Variants in SMIM14 observed in about 807,000 individuals in gnomAD.
The protein encoded by SMIM14 is small integral membrane protein 14, also known as chromosome 4 open reading frame 34.
Under a neutral mutation model 12.6 loss-of-function variants are expected in SMIM14, and 5 were observed. The ratio of observed to expected loss-of-function variants is 0.40; its 90% CI spans 0.21 to 0.83. The LOEUF is 0.83. Among genes scored for constraint, SMIM14 ranks in the 40% least tolerant of loss-of-function variants. SMIM14 has a pLI of 0.37. For synonymous variants in SMIM14, 30 were observed against 40.1 expected (o/e 0.75, Z 0.95); for missense variants, 86 against 119.1 (o/e 0.72, Z 1.29).
At chr4:39,586,328 T>G (rs1384270398) in intron 2 of SMIM14, among the ~76,000 whole-genome samples, 2 of 151,938 alleles carry the variant, frequency 1.3e-5, no homozygotes, top group Non-Finnish European at 2.9e-5. Flanking sequence ...TGCTTAGAAA[T>G]CTCCTCAGCT....
rs1244527747 is a variant in SMIM14 at position 39,546,426 on chromosome 4, G to T, written c.*5700C>A. 10 of 152,180 alleles carry T rather than the reference G, an allele frequency of 6.6e-5. No homozygotes were observed. Among genetic ancestry groups the T allele is most frequent in the Non-Finnish European group, 1.2e-4 (8 of 68,030 alleles). 9.4% of individuals were successfully genotyped at this position (152,180 alleles called of 1,614,324 possible). On this transcript the variant is annotated 3_prime_UTR_variant, in exon 5 of 5. Transcript: ENST00000295958. ...CCCCTACAAGCAACTAATGGGAAAAGATCACACAGGTAACTCCAATTTTTA... is the reference window on the plus strand; with the variant it reads ...CCCCTACAAGCAACTAATGGGAAAATATCACACAGGTAACTCCAATTTTTA...
chr4:39,585,417 C>T (rs1169680042), intron 2 of SMIM14, among the ~76,000 whole-genome samples: 1 of 151,984 alleles, frequency 6.6e-6, no homozygotes, highest in Admixed American at 6.6e-5. Context: ...CTGCCTCAGC[C>T]TCCTGAGTAG....
intron 1 of SMIM14, chr4:39,638,344 CGGT>C (rs764491042): frequency 6.8e-5 from 34 of 499,462 alleles, no homozygotes; most frequent in Non-Finnish European, 8.3e-5. Flanking sequence ...CTGAGGGAGA[CGGT>C]AAACAAGATA....
At chr4:39,608,041 G>GAA (rs1289387236) in intron 1 of SMIM14, among the ~76,000 whole-genome samples, 8 of 152,150 alleles carry the variant, frequency 5.3e-5, no homozygotes, top group Admixed American at 5.2e-4. Flanking sequence ...AGAAAAACTA[G>GAA]AACCCTCATA....
At chr4:39,598,370 A>G (rs1169613129) in intron 2 of SMIM14, among the ~76,000 whole-genome samples, 1 of 152,104 alleles carries the variant, frequency 6.6e-6, no homozygotes, top group African/African-American at 2.4e-5. Context: ...CCTCCTACCC[A>G]CTTCTCCCTC....
At chr4:39,624,689 T>C (rs1217174114) in intron 1 of SMIM14, among the ~76,000 whole-genome samples, 1 of 150,790 alleles carries the variant, frequency 6.6e-6, no homozygotes, top group Admixed American at 6.6e-5. Flanking sequence ...CTGGGCGTGG[T>C]GGTGTGTCCC....
chr4:39,619,009 G>A (rs1382032447), intron 1 of SMIM14, among the ~76,000 whole-genome samples: 2 of 152,008 alleles, frequency 1.3e-5, no homozygotes, highest in Non-Finnish European at 2.9e-5. Flanking sequence ...CCACAAGCCT[G>A]TCTTTGGAAT....
rs913877353 is a variant in SMIM14 at position 39,550,908 on chromosome 4, T to C, written c.*1218A>G. On this transcript the variant is annotated 3_prime_UTR_variant, in exon 5 of 5. Transcript: ENST00000295958. ...ACAGGCCCTAATACAGCTTTAAGAT[T>C]TTCTTCTTTTTTTTTTTTTGAGAGG... The C allele has an allele frequency of 6.6e-6, 1 of 150,704 alleles. No homozygotes were observed. The highest frequency in any genetic ancestry group is 2.4e-5 in the African/African-American group (1 of 41,336). The allele number at this position is 150,704 out of a possible 1,614,324, so 9.3% of individuals were successfully genotyped here. A position where few individuals can be genotyped will look rare whatever the true frequency, so the allele number is the denominator to read the frequency against.
chr4:39,594,758 C>T (rs1238665137), intron 2 of SMIM14: 1 of 150,396 alleles, frequency 6.6e-6, no homozygotes, highest in Non-Finnish European at 1.5e-5. Flanking sequence ...TGAACAGACA[C>T]TTCTCAAAAG....
intron 1 of SMIM14, among the ~76,000 whole-genome samples, chr4:39,624,414 T>C (rs1715612638): frequency 6.6e-6 from 1 of 152,228 alleles, no homozygotes; most frequent in South Asian, 2.1e-4. Flanking sequence ...TGTAAAATCC[T>C]GAGCAGGACT....
intron 4 of SMIM14, among the ~76,000 whole-genome samples, chr4:39,554,830 A>ATTTTTTT (rs34845808): frequency 8.1e-6 from 1 of 124,020 alleles, no homozygotes; most frequent in Admixed American, 9.1e-5. Context: ...AATTCATGGA[A>ATTTTTTT]TTTTTTTTTT....
chr4:39,633,263 C>A (rs1034010739), intron 1 of SMIM14, among the ~76,000 whole-genome samples: 2 of 151,792 alleles, frequency 1.3e-5, no homozygotes, highest in African/African-American at 4.8e-5. Context: ...CACTGCACTC[C>A]AGTCTGGGCA....
At chr4:39,619,877 T>TGTATATA (rs1553866681) in intron 1 of SMIM14, among the ~76,000 whole-genome samples, 1 of 80,494 alleles carries the variant, frequency 1.2e-5, no homozygotes, top group Non-Finnish European at 2.5e-5. Flanking sequence ...TATATATATA[T>TGTATATA]TTTTTTTTTT....
chr4:39,550,430 C>T lies in SMIM14; in HGVS notation c.*1696G>A, dbSNP rs944349618. 34 of 152,218 alleles carry T rather than the reference C, an allele frequency of 2.2e-4. No individual in the cohort carries two copies. The highest frequency in any genetic ancestry group is 8.2e-4 in the African/African-American group (34 of 41,452). The allele number at this position is 152,218 out of a possible 1,614,324, so 9.4% of individuals were successfully genotyped here. A position where few individuals can be genotyped will look rare whatever the true frequency, so the allele number is the denominator to read the frequency against. ...CCCAGTAGCTGGGATTATAGGCACA[C>T]ACCACCATGCCTGGCTAATTTTTGC... On this transcript the variant is annotated 3_prime_UTR_variant, in exon 5 of 5. Coordinates refer to ENST00000295958, the MANE Select transcript of SMIM14 (RefSeq NM_174921.3).
At chr4:39,611,404 G>A (rs1036277606) in intron 1 of SMIM14, among the ~76,000 whole-genome samples, 58 of 152,060 alleles carry the variant, frequency 3.8e-4, no homozygotes, top group African/African-American at 1.2e-3. Flanking sequence ...TACTCAGGAG[G>A]CTGAGGCAGG....
chr4:39,630,256 G>A (rs544975635), intron 1 of SMIM14, among the ~76,000 whole-genome samples: 1 of 152,136 alleles, frequency 6.6e-6, no homozygotes, highest in Admixed American at 6.6e-5. Context: ...AATTAGCCAG[G>A]CATGCTAGCA....
intron 2 of SMIM14, chr4:39,593,532 T>C (rs1714213183): frequency 1.3e-5 from 2 of 152,130 alleles, no homozygotes; most frequent in Admixed American, 6.6e-5. Flanking sequence ...CTATTCAACA[T>C]AGTGTTGGAA....
intron 3 of SMIM14, among the ~76,000 whole-genome samples, chr4:39,567,143 GAAAAAAAAAAAAAA>G (rs1168446466): frequency 4.2e-5 from 3 of 72,092 alleles, no homozygotes; most frequent in Non-Finnish European, 8.3e-5. Context: ...CTCAAAAAAA[GAAAAAAAAAAAAAA>G]AAAAAAAAAA....
chr4:39,578,183 T>C (rs193012475), intron 2 of SMIM14, among the ~76,000 whole-genome samples: 36 of 152,332 alleles, frequency 2.4e-4, no homozygotes, highest in African/African-American at 6.7e-4. Flanking sequence ...AGGTCTTCTC[T>C]GGTGCCCAGG....
Sources: gnomAD v4.1 joint callset for allele counts (sites outside exome capture counted in the v4.1 genomes callset) on GRCh38, gnomAD v4.1.1 for gene constraint, MANE v1.5 for transcripts, NCBI Gene and HGNC (gene_info 2026-07-23, HGNC 2026-07-21) for gene names.